The following PPFIA2 variants were observed in gnomAD, a reference collection of about 807,000 sequenced individuals.
The protein encoded by PPFIA2 is liprin-alpha-2.
PPFIA2 carries 46 observed loss-of-function variants against 175.5 expected under a neutral mutation model. That is an observed-to-expected ratio of 0.26 (90% CI 0.21 to 0.34). The LOEUF (loss-of-function observed/expected upper bound fraction) is 0.34. Ranked by LOEUF, PPFIA2 falls within the 10% of genes least tolerant of loss-of-function variation. The pLI is 1.00. For synonymous variants in PPFIA2, 568 were observed against 511.4 expected (o/e 1.11, Z -1.49); for missense variants, 1,179 against 1,506.1 (o/e 0.78, Z 3.60).
At chr12:81,632,432 A>T (rs1451380804) in intron 4 of PPFIA2, among the ~76,000 whole-genome samples, 1 of 152,116 alleles carries the variant, frequency 6.6e-6, no homozygotes, top group East Asian at 1.9e-4. Flanking sequence ...GTAGATATTG[A>T]GAGACACAAA....
At chr12:81,685,533 T>A (rs907813010) in intron 3 of PPFIA2, among the ~76,000 whole-genome samples, 1 of 152,056 alleles carries the variant, frequency 6.6e-6, no homozygotes, top group Non-Finnish European at 1.5e-5. Context: ...TTGAGCAAAT[T>A]TTGTGGCTGA....
rs1448491270 is a variant in PPFIA2 at position 81,374,729 on chromosome 12, G to T, written c.1171C>A (p.Leu391Ile). Reference sequence around the variant, plus strand: ...GTCTGCTGCAACTTTTGTTCAGCTAGCTCAAGACGTTCTTGTAACTGTCTG... The same window carrying T: ...GTCTGCTGCAACTTTTGTTCAGCTATCTCAAGACGTTCTTGTAACTGTCTG... ...KNRQLQERLE[L>I]AEQKLQQTMR... The change falls in exon 11 of 33, where the codon CTA becomes ATA. Residue 391 changes from leucine to isoleucine, a missense_variant. Physicochemically the swap from Leu to Ile is conservative, Grantham distance 5. This residue lies in a region of PPFIA2 where 226 missense variants were observed against 216.6 expected (regional missense o/e 1.04). Coordinates refer to ENST00000549396, the MANE Select transcript of PPFIA2 (RefSeq NM_003625.5). The T allele has an allele frequency of 1.5e-5, 24 of 1,613,022 alleles. No individual in the cohort carries two copies. The highest frequency in any genetic ancestry group is 1.9e-5 in the Non-Finnish European group (22 of 1,179,420).
intron 4 of PPFIA2, among the ~76,000 whole-genome samples, chr12:81,493,701 T>C (rs1038292107): frequency 6.8e-6 from 1 of 147,978 alleles, no homozygotes; most frequent in Admixed American, 6.8e-5. Context: ...GGAAGGTAAC[T>C]AGTAGCACAG....
At chr12:81,638,397 A>C (rs988101284) in intron 4 of PPFIA2, among the ~76,000 whole-genome samples, 4 of 152,060 alleles carry the variant, frequency 2.6e-5, no homozygotes, top group African/African-American at 9.7e-5. Context: ...CTAAGGAATA[A>C]ATAATATAAA....
chr12:81,669,175 T>C (rs1329106510), intron 4 of PPFIA2, among the ~76,000 whole-genome samples: 1 of 152,038 alleles, frequency 6.6e-6, no homozygotes, highest in Non-Finnish European at 1.5e-5. Context: ...TTTCTTTCCC[T>C]ACCATAAAAT....
At chr12:81,567,107 C>T (rs374783040) in intron 4 of PPFIA2, among the ~76,000 whole-genome samples, 2 of 152,208 alleles carry the variant, frequency 1.3e-5, no homozygotes, top group Non-Finnish European at 1.5e-5. Flanking sequence ...AGTGCAGTGG[C>T]GCAATCTCGG....
intron 4 of PPFIA2, among the ~76,000 whole-genome samples, chr12:81,495,299 T>G (rs2059913438): frequency 6.6e-6 from 1 of 152,086 alleles, no homozygotes; most frequent in African/African-American, 2.4e-5. Context: ...TATATCAAAT[T>G]GAATCATAAC....
intron 7 of PPFIA2, among the ~76,000 whole-genome samples, chr12:81,409,066 C>G (rs1370758564): frequency 1.3e-5 from 2 of 152,048 alleles, no homozygotes; most frequent in Non-Finnish European, 2.9e-5. Context: ...ATAACTGGAG[C>G]CTAAGGTAGC....
At chr12:81,563,974 T>A (rs1263074763) in intron 4 of PPFIA2, among the ~76,000 whole-genome samples, 2 of 152,158 alleles carry the variant, frequency 1.3e-5, no homozygotes, top group Non-Finnish European at 2.9e-5. Flanking sequence ...CTTTAATACA[T>A]ATCATTGTGT....
intron 4 of PPFIA2, among the ~76,000 whole-genome samples, chr12:81,604,930 G>C (rs1365438419): frequency 6.6e-6 from 1 of 151,618 alleles, no homozygotes; most frequent in Admixed American, 6.6e-5. Context: ...CCAGACATTT[G>C]CTCTTAATAG....
At chr12:81,290,279 G>T (rs879783672) in intron 24 of PPFIA2, among the ~76,000 whole-genome samples, 8 of 151,144 alleles carry the variant, frequency 5.3e-5, no homozygotes, top group Admixed American at 4.6e-4. Context: ...ATCTGCCTTT[G>T]TGTTTTGTAA....
chr12:81,654,593 T>C (rs1423310463), intron 4 of PPFIA2, among the ~76,000 whole-genome samples: 2 of 152,084 alleles, frequency 1.3e-5, no homozygotes, highest in African/African-American at 2.4e-5. Flanking sequence ...TCATATTCTG[T>C]GTATTGCTTC....
intron 21 of PPFIA2, among the ~76,000 whole-genome samples, chr12:81,337,828 T>C (rs540854517): frequency 1.3e-5 from 2 of 152,238 alleles, no homozygotes; most frequent in Admixed American, 6.6e-5. Flanking sequence ...CAACCACTAG[T>C]TGTCAAATAA....
rs980579211 is a variant in PPFIA2 at position 81,495,731 on chromosome 12, C to G, written c.304-37865G>C. On this transcript the variant is annotated intron_variant, in intron 4 of 32. Coordinates refer to ENST00000549396, the MANE Select transcript of PPFIA2 (RefSeq NM_003625.5). ...TCAGGAACCTGAGGCAGGAGAATCA[C>G]TTGGGCCCCAGGGTTTGAGCCTACA... 5.3e-5 allele frequency among the ~76,000 whole-genome samples: 8 copies of G among 152,304 alleles called. No individual in the cohort carries two copies. In the South Asian group the frequency reaches 1.0e-3, roughly 20 times the overall value.
At chr12:81,748,559 T>G (rs1374062765) in intron 3 of PPFIA2, among the ~76,000 whole-genome samples, 2 of 144,672 alleles carry the variant, frequency 1.4e-5, no homozygotes, top group Non-Finnish European at 3.1e-5. Context: ...TGGCCCCAGT[T>G]GGCTCAGCCA....
chr12:81,337,265 A>T (rs1449946123), intron 21 of PPFIA2, among the ~76,000 whole-genome samples: 1 of 152,128 alleles, frequency 6.6e-6, no homozygotes, highest in Non-Finnish European at 1.5e-5. Flanking sequence ...TGCAGTCCTT[A>T]ACAAGCTGCT....
At chr12:81,739,595 A>G (rs1289111766) in intron 3 of PPFIA2, among the ~76,000 whole-genome samples, 3 of 152,042 alleles carry the variant, frequency 2.0e-5, no homozygotes, top group African/African-American at 4.8e-5. Context: ...AAACTTGGTC[A>G]ATTAATCTAT....
intron 7 of PPFIA2, among the ~76,000 whole-genome samples, chr12:81,436,593 T>A (rs1455681793): frequency 1.3e-5 from 2 of 152,146 alleles, no homozygotes; most frequent in African/African-American, 4.8e-5. Context: ...CTTCTTATCA[T>A]CAATACATGA....
intron 4 of PPFIA2, among the ~76,000 whole-genome samples, chr12:81,639,704 A>G (rs1473860877): frequency 6.6e-6 from 1 of 152,178 alleles, no homozygotes; most frequent in Admixed American, 6.5e-5. Context: ...AAACAATATC[A>G]TCTTTCACAT....
Sources: allele counts gnomAD v4.1 joint callset (sites outside exome capture counted in the v4.1 genomes callset), GRCh38; gene constraint gnomAD v4.1.1; regional missense constraint gnomAD v4.1.1; transcripts MANE v1.5; gene names NCBI Gene and HGNC (gene_info 2026-07-23, HGNC 2026-07-21).